Variants in RASL11B observed in about 807,000 individuals in gnomAD.
RASL11B encodes ras-like protein family member 11B.
In RASL11B, 14 loss-of-function variants were observed where a neutral mutation model predicts 22.9. The observed-to-expected ratio is 0.61, with a 90% confidence interval of 0.40 to 0.96. RASL11B has a LOEUF of 0.96. Among genes scored for constraint, RASL11B ranks in the 40% least tolerant of loss-of-function variants. The pLI, the probability that RASL11B is intolerant of heterozygous loss-of-function variation, is 0.00. For synonymous variants in RASL11B, 143 were observed against 130.2 expected (o/e 1.10, Z -0.67); for missense variants, 261 against 322.0 (o/e 0.81, Z 1.45).
At chr4:52,863,482 C>A (rs73250915) in intron 2 of RASL11B, 158 bp downstream of exon 2, 2 of 643,434 alleles carry the variant, frequency 3.1e-6, no homozygotes, top group Admixed American at 2.3e-5. Flanking sequence ...ATGGCGCCCC[C>A]CTCCCATAAC....
intron 3 of RASL11B, 102 bp downstream of exon 3, chr4:52,864,656 G>T: frequency 2.5e-6 from 2 of 811,810 alleles, no homozygotes; most frequent in South Asian, 1.4e-5. Context: ...GAGAAATTTG[G>T]GGAGTCACAT....
chr4:52,863,116 G>T (rs768719705), intron 1 of RASL11B, 152 bp from the exon 2 acceptor site: 1 of 695,244 alleles, frequency 1.4e-6, no homozygotes, highest in Non-Finnish European at 2.6e-6. Context: ...TTTTTGTCTG[G>T]AAAGAAGGGT....
At position 52,866,494 on chromosome 4, in the gene RASL11B, A is replaced by AGTT. The variant is rs1718263959; in HGVS notation, c.*691_*693dup. 6.6e-6 allele frequency: 1 copy of AGTT among 152,408 alleles called. No individual in the cohort carries two copies. The highest frequency in any genetic ancestry group is 2.1e-4 in the South Asian group (1 of 4,832). 9.4% of individuals were successfully genotyped at this position (152,408 alleles called of 1,614,324 possible). ...TCCCCCTCACAGGATGAGCATGCTC[A>AGTT]GTTGGGCGTGTGTGGAGGAGCTGTG... On this transcript the variant is annotated 3_prime_UTR_variant, in exon 4 of 4. Coordinates refer to ENST00000248706, the MANE Select transcript of RASL11B (RefSeq NM_023940.3).
chr4:52,864,363 A>G (rs761021040), intron 2 of RASL11B, 115 bp from the exon 3 acceptor site: 8 of 625,212 alleles, frequency 1.3e-5, no homozygotes, highest in South Asian at 5.0e-5. Context: ...GAAATAAACT[A>G]TCGCTGTTTT....
intron 2 of RASL11B, chr4:52,864,215 A>G: frequency 2.9e-6 from 1 of 349,020 alleles, no homozygotes. Flanking sequence ...GGAGTACTCT[A>G]AAAATGGAAA....
chr4:52,864,819 GT>G (rs1319747642), intron 3 of RASL11B, among the ~76,000 whole-genome samples: 2 of 152,176 alleles, frequency 1.3e-5, no homozygotes, highest in African/African-American at 4.8e-5. Context: ...GTTGGAATTG[GT>G]GTTTTCCTTG....
Position 52,864,562 on chromosome 4 carries a change from G to A in RASL11B, c.276+8G>A, listed in dbSNP as rs754913627. The A allele has an allele frequency of 3.2e-6, 5 of 1,582,536 alleles. No individual in the cohort carries two copies. In the African/African-American group the frequency reaches 4.0e-5, roughly 13 times the overall value. On this transcript the variant is annotated splice_region_variant and intron_variant, in intron 3 of 3. Transcript: ENST00000248706. The stretch of plus-strand genomic sequence containing the variant: ...GACACTCCAGGTATTCAGGTGAGAA[G>A]CTCTGAGACTCTGGGTGAAAGGGGA...
rs1280068294 is a variant in RASL11B at position 52,865,832 on chromosome 4, G to C, written c.*27G>C. Reference sequence around the variant, plus strand: ...GCAGGAGGAGCACTCAAGGGGGTTTGGTCTTCCCAGGAAGAGGGCCTGAGG... The same window carrying C: ...GCAGGAGGAGCACTCAAGGGGGTTTCGTCTTCCCAGGAAGAGGGCCTGAGG... On this transcript the variant is annotated 3_prime_UTR_variant, in exon 4 of 4. Coordinates refer to ENST00000248706, the MANE Select transcript of RASL11B (RefSeq NM_023940.3). The C allele has an allele frequency of 2.5e-5, 39 of 1,560,356 alleles. No individual in the cohort carries two copies. The highest frequency in any genetic ancestry group is 3.3e-5 in the Non-Finnish European group (38 of 1,136,240).
chr4:52,862,633 C>T lies in RASL11B; in HGVS notation c.126C>T (p.Ser42=). The T allele has an allele frequency of 1.3e-6, 2 of 1,579,786 alleles. No homozygotes were observed. The highest frequency in any genetic ancestry group is 1.4e-5 in the African/African-American group (1 of 72,856). The part of the protein sequence containing the change: ...RLVKIAVVGA[S]GVGKTALVVR... ...TCAAGATCGCCGTGGTGGGCGCCAG[C>T]GGCGTGGGCAAGACCGGTGAGTCGT... Residue 42 remains serine (S), a synonymous_variant, in exon 1 of 4, where the codon AGC becomes AGT. Transcript: ENST00000248706.
chr4:52,865,290 G>A, intron 3 of RASL11B, 45 bp from the exon 4 acceptor site: 1 of 1,514,440 alleles, frequency 6.6e-7, no homozygotes, highest in Non-Finnish European at 9.0e-7. Context: ...CAGGCTCTTT[G>A]TACAACTGGC....
intron 2 of RASL11B, 151 bp from the exon 3 acceptor site, chr4:52,864,327 A>C: frequency 1.7e-6 from 1 of 572,930 alleles, no homozygotes; most frequent in East Asian, 2.8e-5. Context: ...TTTTTTAAAA[A>C]AAATCTGAAG....
At position 52,865,908 on chromosome 4, in the gene RASL11B, A is replaced by C; in HGVS notation, c.*103A>C. On this transcript the variant is annotated 3_prime_UTR_variant, in exon 4 of 4. Coordinates refer to ENST00000248706, the MANE Select transcript of RASL11B (RefSeq NM_023940.3). ...ATTGGCAATGATTCCTGGTTCCAGA[A>C]AGGGCTGGAGCAGAAGGGCCAAGAG... 1 of 874,178 alleles carries C rather than the reference A, an allele frequency of 1.1e-6. No individual in the cohort carries two copies. The highest frequency in any genetic ancestry group is 1.7e-5 in the South Asian group (1 of 58,762). The allele number at this position is 874,178 out of a possible 1,614,324, so 54.2% of individuals were successfully genotyped here.
chr4:52,864,706 T>C, intron 3 of RASL11B, 152 bp downstream of exon 3: 2 of 675,584 alleles, frequency 3.0e-6, no homozygotes, highest in South Asian at 3.6e-5. Context: ...TGTATCTGGC[T>C]GTTGGTCGAT....
intron 1 of RASL11B, 140 bp from the exon 2 acceptor site, chr4:52,863,128 A>G: frequency 2.8e-6 from 2 of 726,496 alleles, no homozygotes; most frequent in Non-Finnish European, 4.9e-6. Context: ...AAGAAGGGTC[A>G]AGGAGCTACA....
At chr4:52,864,346 C>G (rs569719508) in intron 2 of RASL11B, 132 bp from the exon 3 acceptor site, 3 of 578,456 alleles carry the variant, frequency 5.2e-6, no homozygotes, top group Admixed American at 5.5e-5. Flanking sequence ...AGTAAGCCCA[C>G]CAAATAGAAA....
rs1718254399 is a variant in RASL11B, at chr4:52,866,067, G to A, written c.*262G>A. 3 of 495,998 alleles carry A rather than the reference G, an allele frequency of 6.0e-6. No individual in the cohort carries two copies. Among genetic ancestry groups the A allele is most frequent in the African/African-American group, 1.9e-5 (1 of 52,374 alleles). The allele number at this position is 495,998 out of a possible 1,614,324, so 30.7% of individuals were successfully genotyped here. A position where few individuals can be genotyped will look rare whatever the true frequency, so the allele number is the denominator to read the frequency against. Reference sequence around the variant, plus strand: ...TCTGTGTCTTTTCCTTTAGAGTGGGGAGGGGGCATAATCGTTTCGGTTTCT... The same window carrying A: ...TCTGTGTCTTTTCCTTTAGAGTGGGAAGGGGGCATAATCGTTTCGGTTTCT... On this transcript the variant is annotated 3_prime_UTR_variant, in exon 4 of 4. Coordinates refer to ENST00000248706, the MANE Select transcript of RASL11B (RefSeq NM_023940.3).
At position 52,862,408 on chromosome 4, in the gene RASL11B, C is replaced by T; in HGVS notation, c.-100C>T. ...CTTATTTATTGTTGTTATTTCTTACCGCGGAGCCCCGCAGTCGGGTCCTCC... is the reference window on the plus strand; with the variant it reads ...CTTATTTATTGTTGTTATTTCTTACTGCGGAGCCCCGCAGTCGGGTCCTCC... On this transcript the variant is annotated 5_prime_UTR_variant, in exon 1 of 4. Coordinates refer to ENST00000248706, the MANE Select transcript of RASL11B (RefSeq NM_023940.3). 2.9e-6 allele frequency: 3 copies of T among 1,019,986 alleles called. No homozygotes were observed. The highest frequency in any genetic ancestry group is 4.2e-6 in the Non-Finnish European group (3 of 717,498). The allele number at this position is 1,019,986 out of a possible 1,614,324, so 63.2% of individuals were successfully genotyped here.
Position 52,865,460 on chromosome 4 carries a change from G to T in RASL11B, c.402G>T (p.Gln134His), listed in dbSNP as rs1474209510. Residue 134 changes from glutamine (Q) to histidine (H), a missense_variant, in exon 4 of 4, where the codon CAG becomes CAT. Coordinates refer to ENST00000248706, the MANE Select transcript of RASL11B (RefSeq NM_023940.3). ...ATGAACTCATCAGCCAGCTCCACCA[G>T]CACGTGCAGCAGCTACACCTGGGCA... is the stretch of plus-strand genomic sequence containing the variant. Reference protein sequence around the residue: ...KSYELISQLHQHVQQLHLGTR... With the variant: ...KSYELISQLHHHVQQLHLGTR... 2 of 1,614,062 alleles carry T rather than the reference G, an allele frequency of 1.2e-6. No individual in the cohort carries two copies. The highest frequency in any genetic ancestry group is 1.7e-6 in the Non-Finnish European group (2 of 1,180,046).
At position 52,862,462 on chromosome 4, in the gene RASL11B, T is replaced by C; in HGVS notation, c.-46T>C. 1 of 1,580,174 alleles carries C rather than the reference T, an allele frequency of 6.3e-7. No individual in the cohort carries two copies. The highest frequency in any genetic ancestry group is 8.6e-7 in the Non-Finnish European group (1 of 1,165,652). ...CCGCTCCCGCGCAGCGCTAGCATTC[T>C]CCAGTCCCTCAGTCCCTTCCCGCGC... On this transcript the variant is annotated 5_prime_UTR_variant, in exon 1 of 4. Transcript: ENST00000248706.
Sources: allele counts gnomAD v4.1 joint callset (sites outside exome capture counted in the v4.1 genomes callset), GRCh38; gene constraint gnomAD v4.1.1; transcripts MANE v1.5; gene names NCBI Gene and HGNC (gene_info 2026-07-23, HGNC 2026-07-21).